Variants in ESRP1 observed in about 807,000 individuals in gnomAD.
ESRP1 encodes the protein RNA-binding motif protein 35A.
In ESRP1, 33 loss-of-function variants were observed where a neutral mutation model predicts 81.7. That is an observed-to-expected ratio of 0.40 (90% CI 0.31 to 0.54). The LOEUF (loss-of-function observed/expected upper bound fraction) is 0.54, where lower values mean the gene tolerates loss of function less well. Ranked by LOEUF, ESRP1 falls within the 20% of genes least tolerant of loss-of-function variation. The pLI is 0.41. For synonymous variants in ESRP1, 320 were observed against 303.3 expected (o/e 1.06, Z -0.57); for missense variants, 672 against 833.1 (o/e 0.81, Z 2.38).
intron 4 of ESRP1, among the ~76,000 whole-genome samples, chr8:94,656,394 AT>A (rs1057242807): frequency 1.3e-5 from 2 of 149,382 alleles, no homozygotes; most frequent in Non-Finnish European, 3.0e-5. Flanking sequence ...AATTTTTTGT[AT>A]TTTTTTAGTA....
intron 13 of ESRP1, among the ~76,000 whole-genome samples, chr8:94,682,904 T>TTTTATATATATATATATATATATA (rs1452052553): frequency 3.4e-5 from 1 of 29,842 alleles, no homozygotes; most frequent in African/African-American, 1.8e-4. Context: ...ATTCATTATT[T>TTTTATATATATATATATATATATA]TATATATATA....
In ESRP1 at chr8:94,690,276, A is replaced by ATTTTTT. The variant is rs373440584; in HGVS notation, c.1821-2378_1821-2373dup. 3.8e-3 allele frequency among the ~76,000 whole-genome samples: 230 copies of ATTTTTT among 61,308 alleles called. 14 individuals carry two copies. Among genetic ancestry groups the ATTTTTT allele is most frequent in the African/African-American group, 6.2e-3 (92 of 14,798 alleles). 40.2% of individuals were successfully genotyped at this position (61,308 alleles called of 152,430 possible). A position where few individuals can be genotyped will look rare whatever the true frequency, so the allele number is the denominator to read the frequency against. ...AGGCATGAGCTACAATGCCTGGCTA[A>ATTTTTT]TTTTTTTTTTTTTTTTTTTTTTTTT... On this transcript the variant is annotated intron_variant, in intron 13 of 15. Coordinates refer to ENST00000433389, the MANE Select transcript of ESRP1 (RefSeq NM_017697.4).
intron 6 of ESRP1, among the ~76,000 whole-genome samples, chr8:94,664,120 CTTT>C (rs755384250): frequency 5.1e-5 from 5 of 98,522 alleles, no homozygotes; most frequent in Non-Finnish European, 1.0e-4. Context: ...ATTTCCTCAG[CTTT>C]TTTTTTTTTT....
chr8:94,653,743 T>A (rs1818266750), intron 4 of ESRP1, among the ~76,000 whole-genome samples: 1 of 152,144 alleles, frequency 6.6e-6, no homozygotes, highest in Non-Finnish European at 1.5e-5. Context: ...TTCCCTGCCC[T>A]GCTGTAAAGG....
In ESRP1 at chr8:94,666,374, C is replaced by A. The variant is rs543660292; in HGVS notation, c.931+1178C>A. 2.6e-5 allele frequency among the ~76,000 whole-genome samples: 4 copies of A among 152,262 alleles called. No homozygotes were observed. In the South Asian group the frequency reaches 8.3e-4, roughly 32 times the overall value. On this transcript the variant is annotated intron_variant, in intron 9 of 15. Coordinates refer to ENST00000433389, the MANE Select transcript of ESRP1 (RefSeq NM_017697.4). ...ATTCTGTCTGTAATAAATAAAATATCCCTGTTGAGCATTTAGAACTCATTT... is the reference window on the plus strand; with the variant it reads ...ATTCTGTCTGTAATAAATAAAATATACCTGTTGAGCATTTAGAACTCATTT...
intron 3 of ESRP1, among the ~76,000 whole-genome samples, 156 bp from the exon 4 acceptor site, chr8:94,646,012 A>G (rs1586171380): frequency 1.3e-5 from 2 of 151,994 alleles, no homozygotes; most frequent in East Asian, 3.9e-4. Context: ...TAATATAGAA[A>G]CAGGACCAAC....
chr8:94,664,731 G>C lies in ESRP1; in HGVS notation c.679G>C (p.Val227Leu). The C allele has an allele frequency of 1.2e-6, 2 of 1,613,964 alleles. No individual in the cohort carries two copies. Among genetic ancestry groups the C allele is most frequent in the Non-Finnish European group, 1.7e-6 (2 of 1,179,866 alleles). The change falls in exon 7 of 16, where the codon GTC becomes CTC. Residue 227 changes from valine to leucine, a missense_variant. Coordinates refer to ENST00000433389, the MANE Select transcript of ESRP1 (RefSeq NM_017697.4). ...KMELIDDNTV[V>L]RARGLPWQSS... ...GGAACTTATTGATGATAACACCGTA[G>C]TCAGGGCACGAGGTTTACCATGGCA...
chr8:94,661,047 GTTT>G, intron 4 of ESRP1, among the ~76,000 whole-genome samples: 1 of 152,036 alleles, frequency 6.6e-6, no homozygotes, highest in Non-Finnish European at 1.5e-5. Context: ...TTGTTCTGTT[GTTT>G]TTTATTTTTG....
intron 15 of ESRP1, among the ~76,000 whole-genome samples, chr8:94,698,497 A>C (rs1433970922): frequency 6.6e-6 from 1 of 152,250 alleles, no homozygotes; most frequent in Non-Finnish European, 1.5e-5. Flanking sequence ...AAATGTAGAC[A>C]AAAGGAACCC....
intron 10 of ESRP1, among the ~76,000 whole-genome samples, chr8:94,669,869 G>A (rs899129803): frequency 8.5e-6 from 1 of 118,102 alleles, no homozygotes; most frequent in Admixed American, 9.5e-5. Flanking sequence ...TTTGTCTCCC[G>A]CTACCAAAAA....
intron 15 of ESRP1, among the ~76,000 whole-genome samples, chr8:94,698,456 T>G (rs1480043489): frequency 1.3e-5 from 2 of 152,260 alleles, no homozygotes; most frequent in Non-Finnish European, 2.9e-5. Flanking sequence ...TGGAAAGTTT[T>G]TGTTGCGTGT....
chr8:94,661,874 C>G (rs889651514), intron 4 of ESRP1, among the ~76,000 whole-genome samples: 1 of 152,130 alleles, frequency 6.6e-6, no homozygotes, highest in Non-Finnish European at 1.5e-5. Context: ...CATTTAATAC[C>G]TTGTAGTGTT....
chr8:94,688,303 TC>T (rs753390374), intron 13 of ESRP1: 1 of 181,672 alleles, frequency 5.5e-6, no homozygotes, highest in Non-Finnish European at 1.2e-5. Flanking sequence ...AACATCAGGT[TC>T]TTAGAAGGCT....
At chr8:94,651,880 G>A (rs1342976230) in intron 4 of ESRP1, among the ~76,000 whole-genome samples, 3 of 151,676 alleles carry the variant, frequency 2.0e-5, no homozygotes, top group Non-Finnish European at 2.9e-5. Flanking sequence ...CAAAGTTCTG[G>A]TTTTATAGGC....
chr8:94,651,317 T>C (rs146086302), intron 4 of ESRP1, among the ~76,000 whole-genome samples: 1 of 148,174 alleles, frequency 6.7e-6, no homozygotes, highest in East Asian at 2.1e-4. Flanking sequence ...AATGCTATCG[T>C]GGCTCACTGT....
intron 4 of ESRP1, among the ~76,000 whole-genome samples, chr8:94,661,808 A>G (rs1818761298): frequency 6.6e-6 from 1 of 152,190 alleles, no homozygotes; most frequent in Non-Finnish European, 1.5e-5. Context: ...TTGTGGAAGT[A>G]ATGTCACATC....
At chr8:94,682,958 T>G (rs1195368351) in intron 13 of ESRP1, among the ~76,000 whole-genome samples, 2 of 115,434 alleles carry the variant, frequency 1.7e-5, no homozygotes, top group African/African-American at 6.9e-5. Flanking sequence ...TTTTTTTTTT[T>G]TTTGAGACGG....
At chr8:94,673,375 A>G (rs544818434) in intron 11 of ESRP1, among the ~76,000 whole-genome samples, 1 of 152,282 alleles carries the variant, frequency 6.6e-6, no homozygotes, top group Non-Finnish European at 1.5e-5. Context: ...TGCCTTGAGG[A>G]TGTTAGGTTT....
At chr8:94,686,150 A>T (rs1459862255) in intron 13 of ESRP1, among the ~76,000 whole-genome samples, 1 of 152,058 alleles carries the variant, frequency 6.6e-6, no homozygotes, top group Non-Finnish European at 1.5e-5. Flanking sequence ...AGTGGTCTCG[A>T]ATTCCTGACC....
Sources: gnomAD v4.1 joint callset for allele counts (sites outside exome capture counted in the v4.1 genomes callset) on GRCh38, gnomAD v4.1.1 for gene constraint, MANE v1.5 for transcripts, NCBI Gene and HGNC (gene_info 2026-07-23, HGNC 2026-07-21) for gene names.